BCAR3: variants seen among roughly 807,000 people sequenced by gnomAD.
BCAR3 encodes breast cancer anti-estrogen resistance protein 3.
In BCAR3, 37 loss-of-function variants were observed where a neutral mutation model predicts 80.1. That is an observed-to-expected ratio of 0.46 (90% CI 0.36 to 0.61). The LOEUF is 0.61. Among genes scored for constraint, BCAR3 ranks in the 20% least tolerant of loss-of-function variants. BCAR3 has a pLI of 0.00. For synonymous variants in BCAR3, 389 were observed against 418.9 expected (o/e 0.93, Z 0.87); for missense variants, 978 against 1,068.2 (o/e 0.92, Z 1.18).
chr1:93,825,433 G>T (rs2100825031), intron 2 of BCAR3, among the ~76,000 whole-genome samples: 1 of 133,842 alleles, frequency 7.5e-6, no homozygotes, highest in East Asian at 2.9e-4. Flanking sequence ...GCAGGCTTGA[G>T]CTCCTCCCTG....
At chr1:93,676,723 CAT>C (rs1648506018) in intron 1 of BCAR3, among the ~76,000 whole-genome samples, 1 of 152,238 alleles carries the variant, frequency 6.6e-6, no homozygotes, top group Non-Finnish European at 1.5e-5. Context: ...TACACACACA[CAT>C]ACACACCACA....
In BCAR3 at chr1:93,614,166, T is replaced by G. The variant is rs569034439; in HGVS notation, c.358-21773A>C. On this transcript the variant is annotated intron_variant, in intron 3 of 11. Coordinates refer to ENST00000260502, the MANE Select transcript of BCAR3 (RefSeq NM_003567.4). ...AATTCTCGCAGGCTGGTGTCCAGCC[T>G]GCCATGCACACAGTGCCAGAAATTC... 2.6e-3 allele frequency: 3,346 copies of G among 1,298,184 alleles called. 11 individuals are homozygous for G. Among genetic ancestry groups the G allele is most frequent in the South Asian group, 3.1e-3 (131 of 42,462 alleles). The allele number at this position is 1,298,184 out of a possible 1,614,324, so 80.4% of individuals were successfully genotyped here.
chr1:93,626,510 A>C (rs1215111986), intron 3 of BCAR3, among the ~76,000 whole-genome samples: 1 of 152,148 alleles, frequency 6.6e-6, no homozygotes, highest in East Asian at 1.9e-4. Flanking sequence ...TTATTTTCAT[A>C]ATAATACAGA....
chr1:93,831,227 C>A (rs1273212899), intron 2 of BCAR3, among the ~76,000 whole-genome samples: 1 of 152,142 alleles, frequency 6.6e-6, no homozygotes, highest in Non-Finnish European at 1.5e-5. Context: ...TTTGGCTGCT[C>A]ACCCACCTGC....
intron 2 of BCAR3, among the ~76,000 whole-genome samples, chr1:93,842,140 C>G (rs1240048694): frequency 2.2e-5 from 3 of 135,440 alleles, no homozygotes; most frequent in Non-Finnish European, 4.6e-5. Context: ...GTTTGTGTAC[C>G]TGTCATCCTT....
chr1:93,830,511 C>T (rs1306134191), intron 2 of BCAR3, among the ~76,000 whole-genome samples: 5 of 152,182 alleles, frequency 3.3e-5, no homozygotes, highest in Non-Finnish European at 7.3e-5. Context: ...ATTCCTGCTC[C>T]TGGCTCAGAA....
intron 2 of BCAR3, among the ~76,000 whole-genome samples, chr1:93,802,051 C>G (rs1347283607): frequency 6.6e-6 from 1 of 151,896 alleles, no homozygotes; most frequent in Non-Finnish European, 1.5e-5. Context: ...CTGGCTTGAA[C>G]CTGGGAGGTG....
chr1:93,832,308 G>A (rs190147690), intron 2 of BCAR3, among the ~76,000 whole-genome samples: 234 of 152,280 alleles, frequency 1.5e-3, no homozygotes, highest in African/African-American at 5.3e-3. Context: ...CATTCCTCCA[G>A]GACTGCCTAC....
chr1:93,830,333 C>T (rs2391314), intron 2 of BCAR3, among the ~76,000 whole-genome samples: 15 of 152,182 alleles, frequency 9.9e-5, no homozygotes, highest in African/African-American at 3.1e-4. Context: ...TGGTGGCACA[C>T]GTCTGTCAGG....
intron 2 of BCAR3, among the ~76,000 whole-genome samples, chr1:93,743,116 GA>G (rs1266796012): frequency 1.3e-5 from 2 of 152,062 alleles, no homozygotes; most frequent in African/African-American, 4.8e-5. Flanking sequence ...TTTGTTATCA[GA>G]AAAAAATGTT....
chr1:93,648,480 C>A (rs1676218595), intron 2 of BCAR3, among the ~76,000 whole-genome samples: 1 of 152,050 alleles, frequency 6.6e-6, no homozygotes, highest in Non-Finnish European at 1.5e-5. Flanking sequence ...AAATTAAGGT[C>A]TTAAATGAAT....
At chr1:93,719,968 G>A (rs532781652) in intron 2 of BCAR3, among the ~76,000 whole-genome samples, 1 of 152,274 alleles carries the variant, frequency 6.6e-6, no homozygotes, top group East Asian at 1.9e-4. Context: ...ATATTCACAG[G>A]TACAATCATA....
chr1:93,801,286 G>A (rs948370219), intron 2 of BCAR3, among the ~76,000 whole-genome samples: 6 of 152,252 alleles, frequency 3.9e-5, no homozygotes, highest in Non-Finnish European at 7.4e-5. Flanking sequence ...TGATTTTAGC[G>A]GCTTCGTTGT....
rs1168800241 is a variant in BCAR3 at position 93,704,466 on chromosome 1, A to G, written c.-12+1626T>C. ...ATTTTACGAATGAAAACACAGACACAGAGAAGTAGAGATACTTGGCCAAAG... is the reference window on the plus strand; with the variant it reads ...ATTTTACGAATGAAAACACAGACACGGAGAAGTAGAGATACTTGGCCAAAG... On this transcript the variant is annotated intron_variant, in intron 3 of 13. Transcript: ENST00000370244. Among the ~76,000 whole-genome samples the G allele has an allele frequency of 3.9e-5, 6 of 152,218 alleles. No homozygotes were observed. In the East Asian group the frequency reaches 7.7e-4, roughly 20 times the overall value.
At chr1:93,630,299 C>T (rs1324704294) in intron 3 of BCAR3, among the ~76,000 whole-genome samples, 3 of 152,108 alleles carry the variant, frequency 2.0e-5, no homozygotes, top group South Asian at 2.1e-4. Flanking sequence ...CCTCAGGACT[C>T]ACATGCTAGT....
At chr1:93,635,798 T>C (rs553522716) in intron 3 of BCAR3, among the ~76,000 whole-genome samples, 1 of 152,374 alleles carries the variant, frequency 6.6e-6, no homozygotes, top group South Asian at 2.1e-4. Flanking sequence ...TCATGGAATG[T>C]ACAGCGTGCC....
chr1:93,567,387 C>T lies in BCAR3; in HGVS notation c.2191G>A (p.Glu731Lys), dbSNP rs1188864980. The change falls in exon 11 of 12, where the codon GAA becomes AAA. Residue 731 changes from glutamate to lysine, a missense_variant. Physicochemically the swap from Glu to Lys is moderately conservative, Grantham distance 56. Transcript: ENST00000260502. ...ATTTCACAGCTCTGGTCGTTTTTTT[C>T]CCACATGTCGGTTCCTTCAAAAGTC... The part of the protein sequence containing the change: ...AVTFEGTDMW[E>K]KNDQSCEIML... 4 of 1,571,934 alleles carry T rather than the reference C, an allele frequency of 2.5e-6. No individual in the cohort carries two copies. Among genetic ancestry groups the T allele is most frequent in the Admixed American group, 1.7e-5 (1 of 58,516 alleles).
At chr1:93,726,948 G>C (rs1650606864) in intron 2 of BCAR3, among the ~76,000 whole-genome samples, 1 of 152,082 alleles carries the variant, frequency 6.6e-6, no homozygotes, top group African/African-American at 2.4e-5. Flanking sequence ...TTTTCTTTGT[G>C]AAATGCCTGT....
At chr1:93,768,180 G>GCA (rs1652220730) in intron 2 of BCAR3, among the ~76,000 whole-genome samples, 1 of 152,210 alleles carries the variant, frequency 6.6e-6, no homozygotes, top group South Asian at 2.1e-4. Context: ...GACCCCATTT[G>GCA]CAGAGAGACG....
Sources: allele counts gnomAD v4.1 joint callset (sites outside exome capture counted in the v4.1 genomes callset), GRCh38; gene constraint gnomAD v4.1.1; transcripts MANE v1.5; gene names NCBI Gene and HGNC (gene_info 2026-07-23, HGNC 2026-07-21).